GRIA4: variants seen among roughly 807,000 people sequenced by gnomAD.
GRIA4 encodes glutamate receptor 4.
A neutral mutation model predicts 104.0 loss-of-function variants in GRIA4; 34 were observed. That is an observed-to-expected ratio of 0.33 (90% CI 0.25 to 0.44). The LOEUF (loss-of-function observed/expected upper bound fraction) is 0.44. Among genes scored for constraint, GRIA4 ranks in the 20% least tolerant of loss-of-function variants. The pLI, the probability that GRIA4 is intolerant of heterozygous loss-of-function variation, is 1.00. For synonymous variants in GRIA4, 386 were observed against 381.9 expected (o/e 1.01, Z -0.13); for missense variants, 750 against 1,096.5 (o/e 0.68, Z 4.46).
At chr11:105,621,168 G>T (rs1950735051) in intron 3 of GRIA4, among the ~76,000 whole-genome samples, 1 of 151,634 alleles carries the variant, frequency 6.6e-6, no homozygotes. Context: ...ATCACTATTT[G>T]CTTATTTTTG....
At chr11:105,807,084 A>G (rs1380422248) in intron 4 of GRIA4, among the ~76,000 whole-genome samples, 1 of 151,762 alleles carries the variant, frequency 6.6e-6, no homozygotes, top group African/African-American at 2.4e-5. Context: ...GAATTTTCAA[A>G]TTGAACAGAG....
chr11:105,855,342 T>G (rs950582445), intron 4 of GRIA4, among the ~76,000 whole-genome samples: 14 of 152,214 alleles, frequency 9.2e-5, no homozygotes, highest in African/African-American at 2.9e-4. Context: ...AGACCTTGTT[T>G]GAGTGCCTGT....
intron 4 of GRIA4, among the ~76,000 whole-genome samples, chr11:105,825,828 T>C (rs942897051): frequency 5.9e-5 from 9 of 152,066 alleles, no homozygotes; most frequent in African/African-American, 1.9e-4. Flanking sequence ...ATGATATTTA[T>C]GAACATTCCT....
chr11:105,713,391 A>C (rs1953983429), intron 3 of GRIA4, among the ~76,000 whole-genome samples: 1 of 152,112 alleles, frequency 6.6e-6, no homozygotes, highest in Non-Finnish European at 1.5e-5. Context: ...AAAAAAAAAA[A>C]AATTCTGAAA....
At chr11:105,748,121 C>A (rs1483701276) in intron 3 of GRIA4, among the ~76,000 whole-genome samples, 2 of 152,128 alleles carry the variant, frequency 1.3e-5, no homozygotes, top group African/African-American at 2.4e-5. Context: ...ACATTTGGGG[C>A]AAGACTTAAT....
intron 10 of GRIA4, chr11:105,911,775 A>AATAC (rs376124658): frequency 2.1e-4 from 16 of 74,654 alleles, no homozygotes; most frequent in Non-Finnish European, 3.8e-4. Context: ...CTTGAAAAGC[A>AATAC]ATATATATAT....
intron 3 of GRIA4, among the ~76,000 whole-genome samples, chr11:105,657,292 G>T (rs1951872801): frequency 6.6e-6 from 1 of 151,684 alleles, no homozygotes; most frequent in Non-Finnish European, 1.5e-5. Context: ...TTGTGTGATG[G>T]GTACACCAAA....
At chr11:105,631,851 A>AT (rs1951043218) in intron 3 of GRIA4, among the ~76,000 whole-genome samples, 1 of 152,192 alleles carries the variant, frequency 6.6e-6, no homozygotes, top group African/African-American at 2.4e-5. Context: ...GAGGGGCCAG[A>AT]TTTTATAAAA....
chr11:105,709,668 T>C lies in GRIA4; in HGVS notation c.248-43313T>C, dbSNP rs541898554. ...TCACTTCTGCGGTATTTCTGCCACA[T>C]GCAAAAACATGAGACACCCAGGAGG... On this transcript the variant is annotated intron_variant, in intron 3 of 16. Coordinates refer to ENST00000282499, the MANE Select transcript of GRIA4 (RefSeq NM_000829.4). Among the ~76,000 whole-genome samples, 4 of 152,014 alleles carry C rather than the reference T, an allele frequency of 2.6e-5. No individual in the cohort carries two copies. The East Asian group carries it at 7.8e-4, about 29-fold the overall frequency.
At position 105,685,568 on chromosome 11, in the gene GRIA4, C is replaced by T. The variant is rs76489887; in HGVS notation, c.248-67413C>T. 8.5e-3 allele frequency among the ~76,000 whole-genome samples: 1,295 copies of T among 152,136 alleles called. 16 individuals carry two copies. The highest frequency in any genetic ancestry group is 0.049 in the East Asian group (252 of 5,170). ...GGTATATAAAGATTAATAAGATACA[C>T]GTTTGAAACTAATTACTTTAATTAT... On this transcript the variant is annotated intron_variant, in intron 3 of 16. Coordinates refer to ENST00000282499, the MANE Select transcript of GRIA4 (RefSeq NM_000829.4).
At chr11:105,859,826 T>A (rs1229439827) in intron 4 of GRIA4, among the ~76,000 whole-genome samples, 1 of 152,156 alleles carries the variant, frequency 6.6e-6, no homozygotes, top group East Asian at 1.9e-4. Flanking sequence ...AGCATTCATT[T>A]TAAGTCGAAG....
chr11:105,688,132 CTA>C (rs1029836531), intron 3 of GRIA4, among the ~76,000 whole-genome samples: 12 of 77,934 alleles, frequency 1.5e-4, no homozygotes, highest in African/African-American at 4.4e-4. Flanking sequence ...ATATCTATAT[CTA>C]TATCTATATC....
At position 105,821,729 on chromosome 11, in the gene GRIA4, T is replaced by C. The variant is rs540122316; in HGVS notation, c.488-40295T>C. 5.9e-4 allele frequency among the ~76,000 whole-genome samples: 90 copies of C among 152,198 alleles called. No homozygotes were observed. The South Asian group carries it at 8.9e-3, about 15-fold the overall frequency. ...TTTGGGCAGGGATAAATATCCAAAGTATATCAGAGACTCTTCATAATTTGA... is the reference window on the plus strand; with the variant it reads ...TTTGGGCAGGGATAAATATCCAAAGCATATCAGAGACTCTTCATAATTTGA... On this transcript the variant is annotated intron_variant, in intron 4 of 16. Coordinates refer to ENST00000282499, the MANE Select transcript of GRIA4 (RefSeq NM_000829.4).
intron 4 of GRIA4, among the ~76,000 whole-genome samples, chr11:105,774,841 G>A (rs904150527): frequency 2.0e-5 from 3 of 152,008 alleles, no homozygotes; most frequent in Admixed American, 6.6e-5. Flanking sequence ...GCATTTTATC[G>A]ACTCTCACAA....
At chr11:105,965,438 C>G (rs914515360) in intron 14 of GRIA4, among the ~76,000 whole-genome samples, 1 of 151,420 alleles carries the variant, frequency 6.6e-6, no homozygotes, top group Admixed American at 6.6e-5. Context: ...ACAACTAAAT[C>G]GAGCACACTA....
chr11:105,899,880 A>G (rs999378074), intron 7 of GRIA4, among the ~76,000 whole-genome samples: 4 of 152,166 alleles, frequency 2.6e-5, no homozygotes, highest in Non-Finnish European at 5.9e-5. Context: ...TTTTCTCCAT[A>G]AGGCACATCA....
rs112786972 is a variant in GRIA4, at chr11:105,981,553, T to TCACACACACACACACACACACACA, written c.*1829_*1852dup. The TCACACACACACACACACACACACA allele has an allele frequency of 1.5e-5, 2 of 134,020 alleles. No homozygotes were observed. The highest frequency in any genetic ancestry group is 5.2e-4 in the South Asian group (2 of 3,866). The allele number at this position is 134,020 out of a possible 1,614,324, so 8.3% of individuals were successfully genotyped here. A position where few individuals can be genotyped will look rare whatever the true frequency, so the allele number is the denominator to read the frequency against. On this transcript the variant is annotated 3_prime_UTR_variant, in exon 17 of 17. Transcript: ENST00000282499. ...TAAGAGCAATCTTAAACAGTATAAATCACACACACACACACACACACACAC... is the reference window on the plus strand; with the variant it reads ...TAAGAGCAATCTTAAACAGTATAAATCACACACACACACACACACACACACACACACACACACACACACACACAC...
intron 14 of GRIA4, among the ~76,000 whole-genome samples, chr11:105,970,254 A>G (rs1858615748): frequency 6.6e-6 from 1 of 152,332 alleles, no homozygotes; most frequent in South Asian, 2.1e-4. Flanking sequence ...AACAAAATTT[A>G]AATTATATCC....
intron 3 of GRIA4, chr11:105,707,548 T>A (rs920760386): frequency 2.0e-5 from 3 of 152,152 alleles, no homozygotes; most frequent in African/African-American, 7.2e-5. Context: ...AAGAGAGAGT[T>A]GCGCTCAAAT....
Sources: allele counts gnomAD v4.1 joint callset (sites outside exome capture counted in the v4.1 genomes callset), GRCh38; gene constraint gnomAD v4.1.1; transcripts MANE v1.5; gene names NCBI Gene and HGNC (gene_info 2026-07-23, HGNC 2026-07-21).